The following TRIM69 variants were observed in gnomAD, a reference collection of about 807,000 sequenced individuals.
The protein encoded by TRIM69 is E3 ubiquitin-protein ligase TRIM69.
TRIM69 carries 29 observed loss-of-function variants against 37.7 expected under a neutral mutation model. That is an observed-to-expected ratio of 0.77 (90% CI 0.57 to 1.05). TRIM69 has a LOEUF of 1.05. TRIM69 is among the 50% of genes least tolerant of loss of function. The pLI, the probability that TRIM69 is intolerant of heterozygous loss-of-function variation, is 0.00. For synonymous variants in TRIM69, 209 were observed against 212.4 expected (o/e 0.98, Z 0.14); for missense variants, 596 against 579.9 (o/e 1.03, Z -0.28).
At chr15:44,766,085 C>A (rs1189596641) in intron 6 of TRIM69, among the ~76,000 whole-genome samples, 1 of 151,830 alleles carries the variant, frequency 6.6e-6, no homozygotes, top group Admixed American at 6.6e-5. Flanking sequence ...AAGGGCCAAT[C>A]AAAAAAATCT....
rs765589123 is a variant in TRIM69 at position 44,755,373 on chromosome 15, C to T, written c.480C>T (p.Phe160=). ...FLQISDAVHF[F]TEELAIQQGQ... ...AAATCTCTGATGCTGTCCATTTCTT[C>T]ACGGTGGGTGAGCCCTGGGCCTTGA... The change falls in exon 2 of 7, where the codon TTC becomes TTT. Residue 160 remains phenylalanine (F), a synonymous_variant. Coordinates refer to ENST00000329464, the MANE Select transcript of TRIM69 (RefSeq NM_182985.5). The T allele has an allele frequency of 6.8e-6, 11 of 1,610,190 alleles. No individual in the cohort carries two copies. The highest frequency in any genetic ancestry group is 1.3e-5 in the African/African-American group (1 of 74,822).
chr15:44,741,172 C>T (rs2087275632), intron 1 of TRIM69, among the ~76,000 whole-genome samples: 1 of 152,106 alleles, frequency 6.6e-6, no homozygotes, highest in African/African-American at 2.4e-5. Flanking sequence ...TCACTCAAAA[C>T]CGCTCAACTA....
intron 1 of TRIM69, among the ~76,000 whole-genome samples, chr15:44,744,351 A>G (rs1270269518): frequency 6.8e-6 from 1 of 147,346 alleles, no homozygotes; most frequent in Non-Finnish European, 1.5e-5. Flanking sequence ...GATATACCTA[A>G]TGCTAAATGA....
At chr15:44,740,342 A>G (rs2087254813) in intron 1 of TRIM69, among the ~76,000 whole-genome samples, 1 of 152,244 alleles carries the variant, frequency 6.6e-6, no homozygotes, top group Non-Finnish European at 1.5e-5. Context: ...CTCCAAAGGA[A>G]CGCAGTTCCT....
chr15:44,760,763 A>G (rs989445112), intron 6 of TRIM69, among the ~76,000 whole-genome samples: 11 of 152,176 alleles, frequency 7.2e-5, no homozygotes, highest in African/African-American at 2.7e-4. Context: ...AAGTTCCTAC[A>G]TGCCCCTTTG....
rs997247742 is a variant in TRIM69, at chr15:44,758,816, G to A, written c.775G>A (p.Ala259Thr). The A allele has an allele frequency of 2.5e-6, 4 of 1,613,792 alleles. No homozygotes were observed. In the African/African-American group the frequency reaches 5.3e-5, roughly 22 times the overall value. The change falls in exon 4 of 7, where the codon GCA becomes ACA. Residue 259 changes from alanine (A) to threonine (T), a missense_variant. By Grantham distance (58) the Ala-to-Thr change is moderately conservative. Transcript: ENST00000329464. ...CAAGGATATGTTGGTGAGCATTCAG[G>A]CAAAGACGGAACAACAGAACTCCTT... ...LAKDMLVSIQ[A>T]KTEQQNSFDF...
intron 1 of TRIM69, among the ~76,000 whole-genome samples, chr15:44,741,688 C>G (rs1171385764): frequency 6.6e-6 from 1 of 152,184 alleles, no homozygotes; most frequent in African/African-American, 2.4e-5. Context: ...ACTACAAACA[C>G]CTCTATGCAA....
intron 3 of TRIM69, 95 bp from the exon 4 acceptor site, chr15:44,758,526 G>A: frequency 6.6e-7 from 1 of 1,517,422 alleles, no homozygotes; most frequent in Non-Finnish European, 8.9e-7. Context: ...TTCTGTGATG[G>A]TATTTACCAA....
chr15:44,766,816 A>G (rs1298814971), intron 6 of TRIM69, among the ~76,000 whole-genome samples: 1 of 151,870 alleles, frequency 6.6e-6, no homozygotes, highest in East Asian at 1.9e-4. Context: ...CAGCACTTTG[A>G]GAGGCCTAGG....
At chr15:44,764,735 A>G (rs912338856) in intron 6 of TRIM69, among the ~76,000 whole-genome samples, 2 of 152,240 alleles carry the variant, frequency 1.3e-5, no homozygotes, top group African/African-American at 4.8e-5. Context: ...TTCAATTTAA[A>G]ATATTTGCAT....
chr15:44,736,606 G>GA lies in TRIM69; in HGVS notation c.-95dup. ...CCATCATGCTCTGAGCCCATTCCTT[G>GA]AAAACTAAAAGGTCCCTGACTCCCA... On this transcript the variant is annotated 5_prime_UTR_variant, in exon 1 of 7. Coordinates refer to ENST00000329464, the MANE Select transcript of TRIM69 (RefSeq NM_182985.5). 2.0e-6 allele frequency: 3 copies of GA among 1,477,520 alleles called. No homozygotes were observed. The highest frequency in any genetic ancestry group is 2.8e-6 in the Non-Finnish European group (3 of 1,086,428). 91.5% of individuals were successfully genotyped at this position (1,477,520 alleles called of 1,614,324 possible).
At chr15:44,765,082 G>C (rs62025965) in intron 6 of TRIM69, among the ~76,000 whole-genome samples, 8,107 of 152,312 alleles carry the variant, frequency 0.053, 230 homozygotes, top group Non-Finnish European at 0.061. Flanking sequence ...AGAGGAAACA[G>C]AAGAGTAAAA....
intron 6 of TRIM69, among the ~76,000 whole-genome samples, chr15:44,764,228 G>A (rs537531706): frequency 1.3e-5 from 2 of 152,222 alleles, no homozygotes; most frequent in East Asian, 3.9e-4. Flanking sequence ...CTTTTAAAAT[G>A]CAAACTGATT....
At chr15:44,746,747 CGTG>C (rs2087416028) in intron 1 of TRIM69, among the ~76,000 whole-genome samples, 1 of 42,022 alleles carries the variant, frequency 2.4e-5, no homozygotes, top group African/African-American at 6.0e-5. Context: ...AGCACGTGCA[CGTG>C]CACACACACA....
chr15:44,738,050 CTTTCTTT>C (rs1369897545), intron 1 of TRIM69, among the ~76,000 whole-genome samples: 3 of 118,016 alleles, frequency 2.5e-5, no homozygotes, highest in South Asian at 2.7e-4. Flanking sequence ...TACTTTCTTT[CTTTCTTT>C]TTTTTTTTTT....
Position 44,767,721 on chromosome 15 carries a change from T to G in TRIM69, c.1452T>G (p.Leu484=). ...TTTATCCCTACTTCTGCCCCTGCCTTAATGATGGTGGAGAGAATAAAGAAC... is the reference window on the plus strand; with the variant it reads ...TTTATCCCTACTTCTGCCCCTGCCTGAATGATGGTGGAGAGAATAAAGAAC... ...EKLYPYFCPC[L]NDGGENKEPL... Residue 484 remains leucine (L), a synonymous_variant, in exon 7 of 7, where the codon CTT becomes CTG. Coordinates refer to ENST00000329464, the MANE Select transcript of TRIM69 (RefSeq NM_182985.5). The G allele has an allele frequency of 6.2e-7, 1 of 1,613,978 alleles. No individual in the cohort carries two copies. Among genetic ancestry groups the G allele is most frequent in the Non-Finnish European group, 8.5e-7 (1 of 1,180,030 alleles).
chr15:44,752,691 T>C (rs1271264272), intron 1 of TRIM69, among the ~76,000 whole-genome samples: 1 of 152,186 alleles, frequency 6.6e-6, no homozygotes, highest in Non-Finnish European at 1.5e-5. Flanking sequence ...GTTTCTAAAT[T>C]CCTTCATTAC....
At chr15:44,756,559 T>A (rs3759881) in intron 3 of TRIM69, 96 bp downstream of exon 3, 731,412 of 778,510 alleles carry the variant, frequency 0.94, 344,436 homozygotes, top group African/African-American at 0.97. Flanking sequence ...ATATATTATC[T>A]ACACACTAAA....
chr15:44,746,514 TA>T (rs937299628), intron 1 of TRIM69, among the ~76,000 whole-genome samples: 14 of 152,238 alleles, frequency 9.2e-5, no homozygotes, highest in Non-Finnish European at 1.3e-4. Context: ...TAATTGTATA[TA>T]AAAAAAGAAA....
Sources: gnomAD v4.1 joint callset for allele counts (sites outside exome capture counted in the v4.1 genomes callset) on GRCh38, gnomAD v4.1.1 for gene constraint, MANE v1.5 for transcripts, NCBI Gene and HGNC (gene_info 2026-07-23, HGNC 2026-07-21) for gene names.